The following CERS6 variants were observed in gnomAD, a reference collection of about 807,000 sequenced individuals.
CERS6 encodes LAG1 homolog, ceramide synthase 6.
A neutral mutation model predicts 56.8 loss-of-function variants in CERS6; 26 were observed. The observed-to-expected ratio is 0.46, with a 90% confidence interval of 0.34 to 0.63. The LOEUF is 0.63. CERS6 is among the 30% of genes least tolerant of loss of function. CERS6 has a pLI of 0.01. For synonymous variants in CERS6, 164 were observed against 173.3 expected (o/e 0.95, Z 0.42); for missense variants, 415 against 467.5 (o/e 0.89, Z 1.04).
At chr2:168,645,089 TTAA>T (rs1344536808) in intron 4 of CERS6, among the ~76,000 whole-genome samples, 1,923 of 10,170 alleles carry the variant, frequency 0.19, 739 homozygotes, top group South Asian at 0.45. Context: ...AGACTGCATC[TTAA>T]AAAAAAAAAA....
chr2:168,457,741 C>G (rs1174541799), intron 1 of CERS6, among the ~76,000 whole-genome samples: 3 of 152,298 alleles, frequency 2.0e-5, no homozygotes, highest in Non-Finnish European at 2.9e-5. Context: ...ACCTCATTTG[C>G]TGTTCCTCTT....
intron 6 of CERS6, among the ~76,000 whole-genome samples, chr2:168,696,544 A>C (rs1401756772): frequency 6.6e-6 from 1 of 152,216 alleles, no homozygotes; most frequent in Non-Finnish European, 1.5e-5. Context: ...GAGCTAATAC[A>C]AAAAAATGCC....
At chr2:168,724,711 G>A (rs1683292307) in intron 8 of CERS6, among the ~76,000 whole-genome samples, 1 of 152,052 alleles carries the variant, frequency 6.6e-6, no homozygotes, top group South Asian at 2.1e-4. Context: ...GACACAGGGT[G>A]CAGATTGGTG....
intron 8 of CERS6, among the ~76,000 whole-genome samples, chr2:168,757,421 A>G (rs1310824475): frequency 6.6e-6 from 1 of 152,140 alleles, no homozygotes; most frequent in Non-Finnish European, 1.5e-5. Flanking sequence ...TCCTGTGATA[A>G]GAGACCAGTT....
intron 1 of CERS6, among the ~76,000 whole-genome samples, chr2:168,472,740 ATCTTTT>A (rs912998637): frequency 6.6e-6 from 1 of 152,226 alleles, no homozygotes; most frequent in Non-Finnish European, 1.5e-5. Flanking sequence ...GTATCTTTAC[ATCTTTT>A]TCTTTTTAAA....
At chr2:168,710,954 T>C (rs1236759882) in intron 6 of CERS6, among the ~76,000 whole-genome samples, 1 of 152,220 alleles carries the variant, frequency 6.6e-6, no homozygotes. Flanking sequence ...TAGAATTAAC[T>C]GTTGGAAGAC....
chr2:168,521,961 C>T (rs1025326171), intron 1 of CERS6, among the ~76,000 whole-genome samples: 4 of 152,128 alleles, frequency 2.6e-5, no homozygotes, highest in Non-Finnish European at 5.9e-5. Context: ...TTTTTATTGC[C>T]TTTCCACCTC....
chr2:168,470,976 C>A (rs543731595), intron 1 of CERS6, among the ~76,000 whole-genome samples: 3 of 151,466 alleles, frequency 2.0e-5, no homozygotes, highest in African/African-American at 7.3e-5. Flanking sequence ...CAGAGGCAGG[C>A]GTTAGCTGTG....
chr2:168,723,301 C>T (rs1683231324), intron 8 of CERS6, among the ~76,000 whole-genome samples: 1 of 152,200 alleles, frequency 6.6e-6, no homozygotes, highest in Non-Finnish European at 1.5e-5. Flanking sequence ...TTAGAGAGTT[C>T]TGCCCCAGGC....
At chr2:168,645,089 TTAAAAAAAAAAAAAAA>T (rs1685144982) in intron 4 of CERS6, among the ~76,000 whole-genome samples, 1 of 10,312 alleles carries the variant, frequency 9.7e-5, no homozygotes, top group African/African-American at 2.2e-4. Context: ...AGACTGCATC[TTAAAAAAAAAAAAAAA>T]AAAAAAAAAA....
At chr2:168,685,358 C>T (rs1480571076) in intron 4 of CERS6, among the ~76,000 whole-genome samples, 2 of 152,128 alleles carry the variant, frequency 1.3e-5, no homozygotes, top group African/African-American at 4.8e-5. Context: ...GGGAGAAAAG[C>T]ACATGTATGT....
intron 1 of CERS6, among the ~76,000 whole-genome samples, chr2:168,528,650 G>GAGGAATTTGTAAACAAATTTGTT (rs71003044): frequency 2.6e-5 from 4 of 151,992 alleles, no homozygotes; most frequent in African/African-American, 9.7e-5. Context: ...AGAAGAACTA[G>GAGGAATTTGTAAACAAATTTGTT]AGGTTCATAG....
At chr2:168,555,182 T>G (rs779836380) in intron 2 of CERS6, among the ~76,000 whole-genome samples, 1 of 152,006 alleles carries the variant, frequency 6.6e-6, no homozygotes, top group Non-Finnish European at 1.5e-5. Context: ...AAAACTATAA[T>G]TTTTAAAAAT....
Position 168,580,821 on chromosome 2 carries a change from G to T in CERS6, c.407+19499G>T, listed in dbSNP as rs780787827. On this transcript the variant is annotated intron_variant, in intron 3 of 9. Coordinates refer to ENST00000305747, the MANE Select transcript of CERS6 (RefSeq NM_203463.3). ...CTTTCAGTATAATGATTATATCATC[G>T]CACTGTCTTCTTGCTTACATGCTTG... Among the ~76,000 whole-genome samples, 9 of 151,712 alleles carry T rather than the reference G, an allele frequency of 5.9e-5. No individual in the cohort carries two copies. In the East Asian group the frequency reaches 1.5e-3, roughly 26 times the overall value.
chr2:168,729,486 C>G (rs561074841), intron 8 of CERS6, among the ~76,000 whole-genome samples: 2 of 152,314 alleles, frequency 1.3e-5, no homozygotes, highest in South Asian at 4.2e-4. Context: ...CCATGCTGAG[C>G]TTCCTCCCAA....
chr2:168,541,509 G>T (rs1366209512), intron 1 of CERS6, among the ~76,000 whole-genome samples: 1 of 151,124 alleles, frequency 6.6e-6, no homozygotes, highest in Non-Finnish European at 1.5e-5. Context: ...CATGGTTCAG[G>T]TTCACTGAAT....
chr2:168,459,338 G>C (rs1693735929), intron 1 of CERS6, among the ~76,000 whole-genome samples: 1 of 152,194 alleles, frequency 6.6e-6, no homozygotes, highest in East Asian at 1.9e-4. Context: ...ACTGAAATGG[G>C]CTTTGCCCAG....
intron 1 of CERS6, among the ~76,000 whole-genome samples, chr2:168,527,223 T>C (rs1053362800): frequency 6.6e-6 from 1 of 152,178 alleles, no homozygotes; most frequent in African/African-American, 2.4e-5. Context: ...GACTTTATTT[T>C]TAAGAGCAGT....
rs189412789 is a variant in CERS6 at position 168,519,267 on chromosome 2, C to G, written c.171-28329C>G. ...AATTATATTGGTTCTTGGCAATACT[C>G]TGCCATATATAGAAAAATATATTGG... On this transcript the variant is annotated intron_variant, in intron 1 of 9. Coordinates refer to ENST00000305747, the MANE Select transcript of CERS6 (RefSeq NM_203463.3). Among the ~76,000 whole-genome samples the G allele has an allele frequency of 1.6e-4, 25 of 152,208 alleles. 1 individual carries two copies. Among genetic ancestry groups the G allele is most frequent in the African/African-American group, 5.8e-4 (24 of 41,526 alleles).
Sources: gnomAD v4.1 joint callset for allele counts (sites outside exome capture counted in the v4.1 genomes callset) on GRCh38, gnomAD v4.1.1 for gene constraint, MANE v1.5 for transcripts, NCBI Gene and HGNC (gene_info 2026-07-23, HGNC 2026-07-21) for gene names.